THSD4: variants seen among roughly 807,000 people sequenced by gnomAD.
THSD4 encodes thrombospondin type-1 domain-containing protein 4.
Under a neutral mutation model 119.0 loss-of-function variants are expected in THSD4, and 69 were observed. The observed-to-expected ratio is 0.58, with a 90% CI of 0.48 to 0.71. THSD4 has a LOEUF of 0.71. Among genes scored for constraint, THSD4 ranks in the 30% least tolerant of loss-of-function variants. THSD4 has a pLI of 0.00. For missense variants in THSD4, 1,393 were observed against 1,391.1 expected (o/e 1.00, Z -0.02); for synonymous variants, 524 against 540.4 (o/e 0.97, Z 0.42).
chr15:71,474,881 C>G (rs1353513939), intron 7 of THSD4, among the ~76,000 whole-genome samples: 1 of 152,218 alleles, frequency 6.6e-6, no homozygotes, highest in Admixed American at 6.5e-5. Context: ...AGTATCCCCT[C>G]CATTCTCTCT....
intron 7 of THSD4, among the ~76,000 whole-genome samples, chr15:71,596,960 C>A (rs1031141271): frequency 2.6e-5 from 4 of 152,200 alleles, no homozygotes; most frequent in African/African-American, 7.2e-5. Context: ...AAGCCACAAG[C>A]TTTAGGGAAC....
At chr15:71,139,128 G>T (rs2040578491) in intron 1 of THSD4, among the ~76,000 whole-genome samples, 1 of 152,070 alleles carries the variant, frequency 6.6e-6, no homozygotes, top group African/African-American at 2.4e-5. Context: ...ATTAGGCTAA[G>T]GCTTGAATTT....
At chr15:71,293,296 G>T (rs903896795) in intron 6 of THSD4, among the ~76,000 whole-genome samples, 1 of 152,118 alleles carries the variant, frequency 6.6e-6, no homozygotes, top group African/African-American at 2.4e-5. Context: ...TTCCTCTCAG[G>T]TGGTTGGTTT....
chr15:71,659,672 A>G (rs936385711), intron 7 of THSD4, among the ~76,000 whole-genome samples: 2 of 152,152 alleles, frequency 1.3e-5, no homozygotes, highest in Non-Finnish European at 2.9e-5. Context: ...TCAGCCTCCT[A>G]AAGTGCTGAG....
At position 71,588,033 on chromosome 15, in the gene THSD4, G is replaced by A. The variant is rs145149551; in HGVS notation, c.1153-72497G>A. On this transcript the variant is annotated intron_variant, in intron 7 of 17. Transcript: ENST00000261862. The stretch of plus-strand genomic sequence containing the variant: ...GTCAAGAATCTTGTCATGGCCGGGC[G>A]CGGTGGCTCACGCCTGTAATCCCAG... Among the ~76,000 whole-genome samples, 569 of 152,134 alleles carry A rather than the reference G, an allele frequency of 3.7e-3. 25 individuals are homozygous for A. In the East Asian group the frequency reaches 0.083, roughly 22 times the overall value.
intron 6 of THSD4, among the ~76,000 whole-genome samples, chr15:71,268,083 T>TTGAACTCAGCTCTGGAACAAGTGAAC (rs1352146700): frequency 1.5e-4 from 23 of 152,292 alleles, no homozygotes; most frequent in African/African-American, 4.3e-4. Flanking sequence ...TATTCAGGAC[T>TTGAACTCAGCTCTGGAACAAGTGAAC]TGAACTCAGC....
At chr15:71,567,594 A>ACCCCC (rs1434449898) in intron 7 of THSD4, among the ~76,000 whole-genome samples, 2 of 107,768 alleles carry the variant, frequency 1.9e-5, no homozygotes, top group Non-Finnish European at 4.0e-5. Context: ...AAGAACAAAG[A>ACCCCC]CACCCCCCCA....
At chr15:71,625,228 G>A (rs889015136) in intron 7 of THSD4, among the ~76,000 whole-genome samples, 1 of 152,110 alleles carries the variant, frequency 6.6e-6, no homozygotes, top group African/African-American at 2.4e-5. Context: ...GGCTAGTCTT[G>A]AACTCCTGAC....
chr15:71,211,632 G>A (rs1243861347), intron 3 of THSD4, among the ~76,000 whole-genome samples: 1 of 152,142 alleles, frequency 6.6e-6, no homozygotes, highest in Non-Finnish European at 1.5e-5. Context: ...TGAATGGTGG[G>A]GAGGGACAGG....
At chr15:71,243,553 A>G (rs1254137581) in intron 5 of THSD4, among the ~76,000 whole-genome samples, 1 of 152,196 alleles carries the variant, frequency 6.6e-6, no homozygotes, top group Non-Finnish European at 1.5e-5. Context: ...GAGCTGGGAC[A>G]GCTAAGGTGA....
chr15:71,313,440 T>C (rs2045140248), intron 6 of THSD4, among the ~76,000 whole-genome samples: 1 of 152,178 alleles, frequency 6.6e-6, no homozygotes, highest in Non-Finnish European at 1.5e-5. Context: ...TTGTATTTTA[T>C]TTTTTGATAT....
intron 7 of THSD4, among the ~76,000 whole-genome samples, chr15:71,450,951 AT>A (rs1460554356): frequency 1.3e-5 from 2 of 152,084 alleles, no homozygotes; most frequent in African/African-American, 4.8e-5. Flanking sequence ...GCCAGAGCGG[AT>A]GGATTGCTTG....
chr15:71,578,991 C>A (rs530011283), intron 7 of THSD4, among the ~76,000 whole-genome samples: 1 of 151,852 alleles, frequency 6.6e-6, no homozygotes, highest in South Asian at 2.1e-4. Flanking sequence ...CTACAGGCAC[C>A]AGCTATCACA....
intron 1 of THSD4, chr15:71,110,367 C>G (rs538137381): frequency 6.6e-6 from 1 of 152,310 alleles, no homozygotes; most frequent in Non-Finnish European, 1.5e-5. Context: ...CTCCCTCTCC[C>G]TTTGGAAAAA....
chr15:71,382,330 C>G (rs1248854597), intron 6 of THSD4, among the ~76,000 whole-genome samples: 2 of 152,162 alleles, frequency 1.3e-5, no homozygotes, highest in Non-Finnish European at 2.9e-5. Flanking sequence ...TCCAAGAAAA[C>G]GTTCTTCTTT....
intron 7 of THSD4, among the ~76,000 whole-genome samples, chr15:71,459,160 CTT>C (rs372209662): frequency 0.14 from 18,119 of 128,080 alleles, 935 homozygotes; most frequent in East Asian, 0.27. Context: ...TTCTTTTTTT[CTT>C]TTTTTTTTTT....
intron 7 of THSD4, among the ~76,000 whole-genome samples, chr15:71,619,961 C>T (rs2140925754): frequency 6.6e-6 from 1 of 152,312 alleles, no homozygotes; most frequent in South Asian, 2.1e-4. Context: ...GCCTAGAAGA[C>T]TAGAGTTACA....
chr15:71,541,085 A>AG (rs2048753825), intron 7 of THSD4, among the ~76,000 whole-genome samples: 1 of 152,212 alleles, frequency 6.6e-6, no homozygotes, highest in African/African-American at 2.4e-5. Flanking sequence ...TAAGTATGAA[A>AG]GGGTATATAG....
chr15:71,365,128 C>A (rs1157196740), intron 6 of THSD4, among the ~76,000 whole-genome samples: 5 of 69,816 alleles, frequency 7.2e-5, no homozygotes, highest in Admixed American at 1.7e-4. Flanking sequence ...ACTGCCCCCC[C>A]CATTGTGTGT....
Sources: allele counts gnomAD v4.1 joint callset (sites outside exome capture counted in the v4.1 genomes callset), GRCh38; gene constraint gnomAD v4.1.1; transcripts MANE v1.5; gene names NCBI Gene and HGNC (gene_info 2026-07-23, HGNC 2026-07-21).